The following PDIA3 variants were observed in gnomAD, a reference collection of about 807,000 sequenced individuals.
PDIA3 encodes the protein protein disulfide isomerase family A member 3.
In PDIA3, 16 loss-of-function variants were observed where a neutral mutation model predicts 56.9. That is an observed-to-expected ratio of 0.28 (90% CI 0.19 to 0.43). The LOEUF is 0.43. PDIA3 is among the 20% of genes least tolerant of loss of function. The pLI is 1.00. For synonymous variants in PDIA3, 192 were observed against 216.5 expected (o/e 0.89, Z 0.99); for missense variants, 485 against 621.3 (o/e 0.78, Z 2.33).
chr15:43,751,021 A>C (rs1192521072), intron 1 of PDIA3, among the ~76,000 whole-genome samples: 1 of 151,272 alleles, frequency 6.6e-6, no homozygotes, highest in African/African-American at 2.4e-5. Context: ...AATCCCAGCT[A>C]CTCAGGAGGC....
chr15:43,769,690 AGTAAGTTTATGTAT>A, intron 10 of PDIA3, 44 bp downstream of exon 10: 2 of 1,604,282 alleles, frequency 1.2e-6, no homozygotes, highest in Non-Finnish European at 8.5e-7. Flanking sequence ...GAGCGGGAGC[AGTAAGTTTATGTAT>A]GTATTCAGCA....
Position 43,752,070 on chromosome 15 carries a change from C to T in PDIA3, c.168-1754C>T, listed in dbSNP as rs192058293. Among the ~76,000 whole-genome samples the T allele has an allele frequency of 6.6e-5, 10 of 152,258 alleles. No homozygotes were observed. The East Asian group carries it at 1.9e-3, about 29-fold the overall frequency. On this transcript the variant is annotated intron_variant, in intron 1 of 12. Coordinates refer to ENST00000300289, the MANE Select transcript of PDIA3 (RefSeq NM_005313.5). ...CTTTACTCTTGTCTCTATTTTCTCC[C>T]TTTCTGTCAGTCTTTGACATTGCTG... is the stretch of plus-strand genomic sequence containing the variant.
At chr15:43,766,081 CT>C in intron 7 of PDIA3, 69 bp downstream of exon 7, 2 of 1,260,876 alleles carry the variant, frequency 1.6e-6, no homozygotes, top group Non-Finnish European at 2.2e-6. Flanking sequence ...TTCTAACTAT[CT>C]TGTTGGTTCC....
At chr15:43,757,896 A>G (rs1409253161) in intron 3 of PDIA3, among the ~76,000 whole-genome samples, 1 of 150,958 alleles carries the variant, frequency 6.6e-6, no homozygotes, top group Non-Finnish European at 1.5e-5. Flanking sequence ...ATCTCCATGT[A>G]TATATGGATA....
chr15:43,761,260 A>C (rs1350136897), intron 3 of PDIA3, among the ~76,000 whole-genome samples, 164 bp from the exon 4 acceptor site: 2 of 140,616 alleles, frequency 1.4e-5, no homozygotes, highest in African/African-American at 2.6e-5. Context: ...AAAAAAAAAA[A>C]CCTGAAATCT....
chr15:43,771,761 G>A lies in PDIA3; in HGVS notation c.*543G>A. On this transcript the variant is annotated 3_prime_UTR_variant, in exon 13 of 13. Coordinates refer to ENST00000300289, the MANE Select transcript of PDIA3 (RefSeq NM_005313.5). ...TGGTCACGGCAGCTGTAGACTGACTGGGTCCATAGTTCATCACCTCAAAAT... is the reference window on the plus strand; with the variant it reads ...TGGTCACGGCAGCTGTAGACTGACTAGGTCCATAGTTCATCACCTCAAAAT... The A allele has an allele frequency of 2.5e-6, 1 of 397,618 alleles. No individual in the cohort carries two copies. The allele number at this position is 397,618 out of a possible 1,614,324, so 24.6% of individuals were successfully genotyped here.
intron 1 of PDIA3, among the ~76,000 whole-genome samples, chr15:43,749,013 T>C (rs1252375067): frequency 6.6e-6 from 1 of 152,104 alleles, no homozygotes; most frequent in African/African-American, 2.4e-5. Context: ...TCAGGTGATC[T>C]GCCCACCTTG....
chr15:43,764,271 G>A (rs955790166), intron 5 of PDIA3, among the ~76,000 whole-genome samples: 15 of 152,126 alleles, frequency 9.9e-5, no homozygotes, highest in South Asian at 2.1e-4. Context: ...TTTGAAGGGG[G>A]AGTGGTGCAA....
At chr15:43,747,903 C>T (rs2141640705) in intron 1 of PDIA3, among the ~76,000 whole-genome samples, 1 of 152,260 alleles carries the variant, frequency 6.6e-6, no homozygotes, top group South Asian at 2.1e-4. Context: ...GCAGCTTGGA[C>T]AGATTTTGTG....
intron 3 of PDIA3, among the ~76,000 whole-genome samples, chr15:43,760,677 C>T (rs952592071): frequency 2.6e-5 from 4 of 151,248 alleles, no homozygotes; most frequent in African/African-American, 4.8e-5. Flanking sequence ...CCACAGGCGC[C>T]CGCCACCATG....
At chr15:43,759,612 T>C (rs1271461645) in intron 3 of PDIA3, among the ~76,000 whole-genome samples, 2 of 152,202 alleles carry the variant, frequency 1.3e-5, no homozygotes, top group African/African-American at 4.8e-5. Flanking sequence ...TTATTCATAG[T>C]AGCCAAAAGG....
chr15:43,765,828 A>G lies in PDIA3; in HGVS notation c.720-59A>G, dbSNP rs2086844334. 7 of 1,557,650 alleles carry G rather than the reference A, an allele frequency of 4.5e-6. No homozygotes were observed. In the African/African-American group the frequency reaches 6.9e-5, roughly 15 times the overall value. On this transcript the variant is annotated intron_variant, in intron 6 of 12. Coordinates refer to ENST00000300289, the MANE Select transcript of PDIA3 (RefSeq NM_005313.5). ...AAATGCTATCAATTATTTTGTGGCA[A>G]CTTTATGATATAGCTAAAAACTTGG...
intron 5 of PDIA3, 49 bp downstream of exon 5, chr15:43,763,255 G>C (rs774531148): frequency 6.3e-7 from 1 of 1,585,246 alleles, no homozygotes; most frequent in Admixed American, 1.7e-5. Flanking sequence ...GTGTGAACTG[G>C]TGATACTGAT....
At chr15:43,752,445 A>G (rs535311629) in intron 1 of PDIA3, among the ~76,000 whole-genome samples, 1 of 152,374 alleles carries the variant, frequency 6.6e-6, no homozygotes, top group South Asian at 2.1e-4. Context: ...ACTGCAAAAT[A>G]CATCTTAATA....
Position 43,771,617 on chromosome 15 carries a change from A to AT in PDIA3, c.*400dup. 2.4e-6 allele frequency: 1 copy of AT among 408,662 alleles called. No individual in the cohort carries two copies. Among genetic ancestry groups the AT allele is most frequent in the Non-Finnish European group, 4.3e-6 (1 of 232,408 alleles). The allele number at this position is 408,662 out of a possible 1,614,324, so 25.3% of individuals were successfully genotyped here. A position where few individuals can be genotyped will look rare whatever the true frequency, so the allele number is the denominator to read the frequency against. ...CTGTTCAATAGAGCTTTCTTCAGTG[A>AT]TGGAAATGCTCTGTAATCTACACTG... On this transcript the variant is annotated 3_prime_UTR_variant, in exon 13 of 13. Transcript: ENST00000300289.
At chr15:43,755,654 C>T (rs2086774069) in intron 2 of PDIA3, among the ~76,000 whole-genome samples, 1 of 152,218 alleles carries the variant, frequency 6.6e-6, no homozygotes, top group Admixed American at 6.5e-5. Flanking sequence ...TGGCTCACGC[C>T]TGTAATCCCA....
chr15:43,768,464 C>T (rs765761305), intron 8 of PDIA3, 25 bp from the exon 9 acceptor site: 1 of 1,515,188 alleles, frequency 6.6e-7, no homozygotes, highest in Non-Finnish European at 9.2e-7. Flanking sequence ...GATTAACAAG[C>T]CTTACCCTTG....
intron 3 of PDIA3, among the ~76,000 whole-genome samples, chr15:43,757,155 G>A (rs575425882): frequency 4.2e-4 from 64 of 152,326 alleles, no homozygotes; most frequent in African/African-American, 1.5e-3. Flanking sequence ...ATATAGATGA[G>A]CTGGGTGCAG....
At position 43,771,309 on chromosome 15, in the gene PDIA3, A is replaced by C; in HGVS notation, c.*91A>C. On this transcript the variant is annotated 3_prime_UTR_variant, in exon 13 of 13. Transcript: ENST00000300289. ...GACTAGGACCCATATGGGAATTATT[A>C]CCTCTCAGGGCCGAGAGGACAGAAT... 1.3e-6 allele frequency: 1 copy of C among 758,186 alleles called. No homozygotes were observed. The highest frequency in any genetic ancestry group is 2.2e-6 in the Non-Finnish European group (1 of 446,640). 47.0% of individuals were successfully genotyped at this position (758,186 alleles called of 1,614,324 possible).
Sources: gnomAD v4.1 joint callset for allele counts (sites outside exome capture counted in the v4.1 genomes callset) on GRCh38, gnomAD v4.1.1 for gene constraint, MANE v1.5 for transcripts, NCBI Gene and HGNC (gene_info 2026-07-23, HGNC 2026-07-21) for gene names.